Variants in RASGEF1A observed in about 807,000 individuals in gnomAD.
RASGEF1A encodes the protein RasGEF domain family member 1A.
Under a neutral mutation model 56.4 loss-of-function variants are expected in RASGEF1A, and 18 were observed. The observed-to-expected ratio is 0.32, with a 90% CI of 0.22 to 0.47. The LOEUF (loss-of-function observed/expected upper bound fraction) is 0.47, where lower values mean the gene tolerates loss of function less well. RASGEF1A is among the 20% of genes least tolerant of loss of function. The pLI, the probability that RASGEF1A is intolerant of heterozygous loss-of-function variation, is 1.00. For synonymous variants in RASGEF1A, 245 were observed against 242.6 expected (o/e 1.01, Z -0.09); for missense variants, 422 against 627.1 (o/e 0.67, Z 3.49).
chr10:43,202,528 G>A (rs1468140232), intron 3 of RASGEF1A: 1 of 451,474 alleles, frequency 2.2e-6, no homozygotes, highest in Non-Finnish European at 4.5e-6. Flanking sequence ...CGATGCTCAG[G>A]CGCCGCGCCC....
chr10:43,250,642 AG>A (rs145348612), intron 1 of RASGEF1A, among the ~76,000 whole-genome samples: 468 of 151,788 alleles, frequency 3.1e-3, no homozygotes, highest in African/African-American at 9.5e-3. Context: ...CCGAAGGGGA[AG>A]GGGGGGGTCA....
chr10:43,227,293 C>T (rs540129075), intron 1 of RASGEF1A, among the ~76,000 whole-genome samples: 1 of 151,900 alleles, frequency 6.6e-6, no homozygotes, highest in African/African-American at 2.4e-5. Context: ...TGACTGCCTG[C>T]CCCCCCGACA....
At chr10:43,251,941 G>A (rs74135480) in intron 1 of RASGEF1A, among the ~76,000 whole-genome samples, 260 of 152,334 alleles carry the variant, frequency 1.7e-3, no homozygotes, top group Middle Eastern at 0.014. Context: ...CCAACAAGAC[G>A]GACCCCTGGT....
chr10:43,215,781 G>A (rs1348132382), intron 1 of RASGEF1A, among the ~76,000 whole-genome samples: 1 of 152,192 alleles, frequency 6.6e-6, no homozygotes, highest in Admixed American at 6.5e-5. Context: ...ACGCACAACG[G>A]CCACAGATGG....
chr10:43,239,321 T>C (rs999611918), intron 1 of RASGEF1A, among the ~76,000 whole-genome samples: 3 of 152,246 alleles, frequency 2.0e-5, no homozygotes, highest in African/African-American at 7.2e-5. Flanking sequence ...TCAAAGGTTA[T>C]GATCATTGTA....
intron 1 of RASGEF1A, among the ~76,000 whole-genome samples, chr10:43,249,246 C>T (rs1367679240): frequency 1.3e-5 from 2 of 152,214 alleles, no homozygotes; most frequent in African/African-American, 4.8e-5. Flanking sequence ...GCCCCACACC[C>T]ACACCACTGC....
At chr10:43,256,075 G>A (rs1840685503) in intron 1 of RASGEF1A, among the ~76,000 whole-genome samples, 1 of 152,190 alleles carries the variant, frequency 6.6e-6, no homozygotes, top group Admixed American at 6.5e-5. Context: ...CCCCAGCCTA[G>A]GGGGAGCACT....
intron 1 of RASGEF1A, among the ~76,000 whole-genome samples, chr10:43,258,976 A>G (rs942897600): frequency 6.6e-6 from 1 of 152,188 alleles, no homozygotes; most frequent in African/African-American, 2.4e-5. Context: ...CACTGCCTTC[A>G]CTGGCCTGGG....
chr10:43,243,005 T>C (rs533466811), intron 1 of RASGEF1A, among the ~76,000 whole-genome samples: 3 of 150,340 alleles, frequency 2.0e-5, no homozygotes, highest in Non-Finnish European at 4.4e-5. Context: ...GTCTGGGATG[T>C]GAGGAGCCCC....
At chr10:43,262,298 A>C (rs967757404) in intron 1 of RASGEF1A, among the ~76,000 whole-genome samples, 2 of 152,296 alleles carry the variant, frequency 1.3e-5, no homozygotes, top group South Asian at 2.1e-4. Flanking sequence ...AGATCCAGGG[A>C]GAACTCTCTC....
chr10:43,248,882 G>C (rs1272602915), intron 1 of RASGEF1A, among the ~76,000 whole-genome samples: 1 of 140,742 alleles, frequency 7.1e-6, no homozygotes, highest in Non-Finnish European at 1.6e-5. Flanking sequence ...AATGGTCAAG[G>C]GGAGACACAA....
chr10:43,223,794 GC>G (rs903231257), intron 1 of RASGEF1A, among the ~76,000 whole-genome samples: 2 of 151,996 alleles, frequency 1.3e-5, no homozygotes, highest in Admixed American at 1.3e-4. Flanking sequence ...ACTTTGGGGG[GC>G]TCTAGTGAGA....
rs538329863 is a variant in RASGEF1A, at chr10:43,241,037, G to A, written c.-7+25808C>T. Among the ~76,000 whole-genome samples the A allele has an allele frequency of 2.5e-3, 380 of 152,270 alleles. 3 individuals are homozygous for A. Among genetic ancestry groups the A allele is most frequent in the African/African-American group, 9.0e-3 (373 of 41,556 alleles). On this transcript the variant is annotated intron_variant, in intron 1 of 12. Coordinates refer to ENST00000395810, the MANE Select transcript of RASGEF1A (RefSeq NM_145313.4). ...ACCTGACAAATAAAATAGAGAACTC[G>A]TCAGAAGAAGACCTGCCTTATAAGA...
intron 1 of RASGEF1A, among the ~76,000 whole-genome samples, chr10:43,226,008 T>A (rs1252001431): frequency 7.0e-6 from 1 of 141,884 alleles, no homozygotes; most frequent in African/African-American, 2.6e-5. Flanking sequence ...GGAAGGCGGG[T>A]GTGGGCGGTG....
intron 1 of RASGEF1A, among the ~76,000 whole-genome samples, chr10:43,221,534 G>A (rs1840207745): frequency 6.6e-6 from 1 of 152,214 alleles, no homozygotes; most frequent in Non-Finnish European, 1.5e-5. Flanking sequence ...GCTACCCAGG[G>A]CAACCAGCAC....
intron 1 of RASGEF1A, among the ~76,000 whole-genome samples, chr10:43,262,534 T>C (rs1259595510): frequency 1.3e-5 from 2 of 152,230 alleles, no homozygotes; most frequent in Non-Finnish European, 2.9e-5. Context: ...TGCCACACCA[T>C]GCACGGTGGC....
Position 43,196,164 on chromosome 10 carries a change from C to G in RASGEF1A, c.*80G>C. The G allele has an allele frequency of 3.3e-4, 437 of 1,313,940 alleles. No individual in the cohort carries two copies. Among genetic ancestry groups the G allele is most frequent in the Non-Finnish European group, 4.4e-4 (403 of 926,284 alleles). The allele number at this position is 1,313,940 out of a possible 1,614,324, so 81.4% of individuals were successfully genotyped here. On this transcript the variant is annotated 3_prime_UTR_variant, in exon 13 of 13. Transcript: ENST00000395810. This position sits in a 1 kb window ranked among gnomAD's most constrained non-coding sequence, Gnocchi z 4.6. ...AAATGGACCCCAACCAGTGAGGCCT[C>G]CTCATCTCAACCCACATCAGTCAAA...
At chr10:43,265,870 C>T (rs1028384476) in intron 1 of RASGEF1A, among the ~76,000 whole-genome samples, 3 of 152,358 alleles carry the variant, frequency 2.0e-5, no homozygotes, top group African/African-American at 7.2e-5. Context: ...TGGGAGGCTC[C>T]CCTGCACCCA....
At chr10:43,211,620 G>A (rs1044400184) in intron 1 of RASGEF1A, among the ~76,000 whole-genome samples, 1 of 152,214 alleles carries the variant, frequency 6.6e-6, no homozygotes, top group East Asian at 1.9e-4. Context: ...GTCCCCCAGA[G>A]GATGAAGTGA....
Sources: gnomAD v4.1 joint callset for allele counts (sites outside exome capture counted in the v4.1 genomes callset) on GRCh38, gnomAD v4.1.1 for gene constraint, Gnocchi (gnomAD v3.1) non-coding constraint, MANE v1.5 for transcripts, NCBI Gene and HGNC (gene_info 2026-07-23, HGNC 2026-07-21) for gene names.